The following HECW2 variants were observed in gnomAD, a reference collection of about 807,000 sequenced individuals.
HECW2 encodes the protein HECT, C2 and WW domain containing E3 ubiquitin protein ligase 2.
Under a neutral mutation model 175.2 loss-of-function variants are expected in HECW2, and 61 were observed. That is an observed-to-expected ratio of 0.35 (90% CI 0.28 to 0.43). The LOEUF (loss-of-function observed/expected upper bound fraction) is 0.43, where lower values mean the gene tolerates loss of function less well. Ranked by LOEUF, HECW2 falls within the 20% of genes least tolerant of loss-of-function variation. HECW2 has a pLI of 1.00. For missense variants in HECW2, 1,524 were observed against 2,000.5 expected, an observed-to-expected ratio of 0.76 and a Z score of 4.54; for synonymous variants, 671 against 731.0, an observed-to-expected ratio of 0.92 and a Z score of 1.32.
chr2:196,232,835 G>T (rs1688104468), intron 21 of HECW2, among the ~76,000 whole-genome samples: 1 of 152,164 alleles, frequency 6.6e-6, no homozygotes, highest in Non-Finnish European at 1.5e-5. Flanking sequence ...AGCAAAAACA[G>T]AGCTAACAGT....
chr2:196,208,926 T>A (rs548401117), intron 28 of HECW2, among the ~76,000 whole-genome samples: 1 of 152,182 alleles, frequency 6.6e-6, no homozygotes, highest in South Asian at 2.1e-4. Flanking sequence ...CAGATCCCAG[T>A]GGTTGTTGAG....
chr2:196,489,976 CA>C (rs1381750128), intron 1 of HECW2, among the ~76,000 whole-genome samples: 1 of 152,156 alleles, frequency 6.6e-6, no homozygotes, highest in Admixed American at 6.5e-5. Flanking sequence ...TATCTGACTC[CA>C]TATGGGAGCT....
At chr2:196,571,934 G>T (rs1022118524) in intron 1 of HECW2, among the ~76,000 whole-genome samples, 1 of 152,218 alleles carries the variant, frequency 6.6e-6, no homozygotes, top group East Asian at 1.9e-4. Flanking sequence ...TGCATACAGT[G>T]AAATATTTCA....
At position 196,210,264 on chromosome 2, in the gene HECW2, ATGTGTGTGTGTGTGTATG is replaced by A. The variant is rs539985363; in HGVS notation, c.4607+5583_4607+5600del. Among the ~76,000 whole-genome samples, 422 of 139,398 alleles carry A rather than the reference ATGTGTGTGTGTGTGTATG, an allele frequency of 3.0e-3. 5 individuals are homozygous for A. The highest frequency in any genetic ancestry group is 0.011 in the African/African-American group (408 of 38,506). The allele number at this position is 139,398 out of a possible 152,430, so 91.5% of individuals were successfully genotyped here. On this transcript the variant is annotated intron_variant, in intron 28 of 28. Coordinates refer to ENST00000644978, the MANE Select transcript of HECW2 (RefSeq NM_001348768.2). ...GTGATAAACGGAATGTTGTTTTAAA[ATGTGTGTGTGTGTGTATG>A]TGTGTGTCTGTGTGCCTGTGTGTAC...
chr2:196,245,551 C>A (rs908578246), intron 19 of HECW2, among the ~76,000 whole-genome samples: 1 of 152,126 alleles, frequency 6.6e-6, no homozygotes, highest in African/African-American at 2.4e-5. Context: ...CAGGGCCACA[C>A]GTGTGGATGA....
rs76230884 is a variant in HECW2 at position 196,574,790 on chromosome 2, A to T, written c.-36+18718T>A. 4.2e-3 allele frequency among the ~76,000 whole-genome samples: 647 copies of T among 152,326 alleles called. 4 individuals are homozygous for T. Among genetic ancestry groups the T allele is most frequent in the African/African-American group, 0.015 (610 of 41,572 alleles). On this transcript the variant is annotated intron_variant, in intron 1 of 28. Coordinates refer to ENST00000644978, the MANE Select transcript of HECW2 (RefSeq NM_001348768.2). ...ATTTTAAAACATATTACCAAGTTAC[A>T]TTAATCAAAACAGTATGGTACCAGC...
chr2:196,532,566 G>A (rs543633562), intron 1 of HECW2, among the ~76,000 whole-genome samples: 97 of 151,994 alleles, frequency 6.4e-4, no homozygotes, highest in Non-Finnish European at 1.2e-3. Context: ...ACCATAGCAC[G>A]TGTATACCAA....
intron 1 of HECW2, among the ~76,000 whole-genome samples, chr2:196,523,437 T>C (rs1467351513): frequency 6.6e-6 from 1 of 151,918 alleles, no homozygotes; most frequent in Non-Finnish European, 1.5e-5. Context: ...ATAATTTGAC[T>C]TCCTCTTTTC....
At chr2:196,540,395 AG>A (rs1689170037) in intron 1 of HECW2, among the ~76,000 whole-genome samples, 1 of 152,102 alleles carries the variant, frequency 6.6e-6, no homozygotes, top group African/African-American at 2.4e-5. Context: ...CAAGTAAGAA[AG>A]GGGTATTTGT....
chr2:196,384,059 T>C (rs1311478271), intron 2 of HECW2, among the ~76,000 whole-genome samples: 2 of 152,200 alleles, frequency 1.3e-5, no homozygotes, highest in Non-Finnish European at 2.9e-5. Flanking sequence ...CAGATGCTAT[T>C]ATATTTCTTC....
At chr2:196,235,102 T>TA (rs1688192719) in intron 21 of HECW2, among the ~76,000 whole-genome samples, 2 of 149,476 alleles carry the variant, frequency 1.3e-5, no homozygotes, top group South Asian at 4.2e-4. Context: ...ATTTTTGTAT[T>TA]TTTTTTTTGT....
At chr2:196,508,903 C>A (rs898595061) in intron 1 of HECW2, among the ~76,000 whole-genome samples, 1 of 152,138 alleles carries the variant, frequency 6.6e-6, no homozygotes, top group African/African-American at 2.4e-5. Flanking sequence ...CCTGTCTCTA[C>A]TAAAAATACA....
chr2:196,403,221 C>A (rs1386978825), intron 2 of HECW2, among the ~76,000 whole-genome samples: 4 of 150,826 alleles, frequency 2.7e-5, no homozygotes, highest in Non-Finnish European at 5.9e-5. Context: ...TAGCCACAGG[C>A]TACTAAAATG....
chr2:196,308,685 C>T (rs1198301438), intron 10 of HECW2, among the ~76,000 whole-genome samples: 1 of 152,190 alleles, frequency 6.6e-6, no homozygotes, highest in African/African-American at 2.4e-5. Context: ...TGCTTCCCAA[C>T]CTCAAATAAA....
At chr2:196,379,990 CAATT>C in intron 2 of HECW2, among the ~76,000 whole-genome samples, 1 of 151,228 alleles carries the variant, frequency 6.6e-6, no homozygotes, top group South Asian at 2.1e-4. Flanking sequence ...TTGCTTAAAT[CAATT>C]ATTTTTGAGA....
intron 2 of HECW2, among the ~76,000 whole-genome samples, chr2:196,368,355 T>C (rs1455650084): frequency 1.3e-5 from 2 of 152,242 alleles, no homozygotes; most frequent in Admixed American, 1.3e-4. Context: ...GCTAGATATA[T>C]TGGAAGTCCA....
chr2:196,394,008 A>G (rs1175325585), intron 2 of HECW2, among the ~76,000 whole-genome samples: 3 of 152,186 alleles, frequency 2.0e-5, no homozygotes. Flanking sequence ...TTGTAGGGAC[A>G]TGGATGAAGC....
intron 1 of HECW2, among the ~76,000 whole-genome samples, chr2:196,510,479 T>C (rs1687908405): frequency 1.3e-5 from 2 of 152,214 alleles, no homozygotes; most frequent in African/African-American, 4.8e-5. Context: ...GGGATGCTCC[T>C]TTAGTCCCAC....
rs1270807941 is a variant in HECW2 at position 196,271,427 on chromosome 2, G to A, written c.3239-138C>T. The A allele has an allele frequency of 8.1e-6, 5 of 616,612 alleles. No homozygotes were observed. The Admixed American group carries it at 1.2e-4, about 14-fold the overall frequency. The allele number at this position is 616,612 out of a possible 1,614,324, so 38.2% of individuals were successfully genotyped here. ...GGCTTGCAAGTAGCTGGGATTATAG[G>A]TGCCTGCCACCATGCTCAGCTAATT... is the stretch of plus-strand genomic sequence containing the variant. On this transcript the variant is annotated intron_variant, in intron 16 of 28. Coordinates refer to ENST00000644978, the MANE Select transcript of HECW2 (RefSeq NM_001348768.2).
Sources: gnomAD v4.1 joint callset for allele counts (sites outside exome capture counted in the v4.1 genomes callset) on GRCh38, gnomAD v4.1.1 for gene constraint, MANE v1.5 for transcripts, NCBI Gene and HGNC (gene_info 2026-07-23, HGNC 2026-07-21) for gene names.